AGMO: variants seen among roughly 807,000 people sequenced by gnomAD.
AGMO encodes the protein glyceryl-ether monooxygenase.
A neutral mutation model predicts 60.2 loss-of-function variants in AGMO; 75 were observed. The observed-to-expected ratio is 1.25, with a 90% CI of 1.03 to 1.51. The LOEUF (loss-of-function observed/expected upper bound fraction) is 1.51, where lower values mean the gene tolerates loss of function less well. Among genes scored for constraint, AGMO ranks in the 40% most tolerant of loss-of-function variants. The pLI is 0.00. For synonymous variants in AGMO, 261 were observed against 177.1 expected (o/e 1.47, Z -3.76); for missense variants, 763 against 525.5 (o/e 1.45, Z -4.42).
At chr7:15,155,682 G>A in the AGMO span, among the ~76,000 whole-genome samples, 4 of 151,980 alleles carry the variant, frequency 2.6e-5, no homozygotes, top group South Asian at 2.1e-4. Flanking sequence ...GAGATAGTGC[G>A]GTCATTTGGA....
chr7:15,510,477 C>A (rs903095918), intron 3 of AGMO, among the ~76,000 whole-genome samples: 3 of 151,474 alleles, frequency 2.0e-5, no homozygotes, highest in Admixed American at 2.0e-4. Flanking sequence ...TGCACCTGGC[C>A]CTAAGCATCT....
the AGMO span, among the ~76,000 whole-genome samples, chr7:15,145,533 G>C: frequency 6.6e-6 from 1 of 152,018 alleles, no homozygotes; most frequent in African/African-American, 2.4e-5. Flanking sequence ...AGATATTAAT[G>C]ATGACTATCT....
At chr7:15,314,774 T>C (rs905173300) in intron 12 of AGMO, among the ~76,000 whole-genome samples, 1 of 152,034 alleles carries the variant, frequency 6.6e-6, no homozygotes, top group African/African-American at 2.4e-5. Context: ...TTATGAATCT[T>C]AAGACAAGCA....
chr7:15,543,692 A>G (rs1198307811), intron 3 of AGMO, among the ~76,000 whole-genome samples: 2 of 152,090 alleles, frequency 1.3e-5, no homozygotes, highest in African/African-American at 4.8e-5. Context: ...TAATAACAAT[A>G]ATGGAAGGCA....
At chr7:15,170,986 TG>T in the AGMO span, among the ~76,000 whole-genome samples, 2 of 152,144 alleles carry the variant, frequency 1.3e-5, no homozygotes, top group Non-Finnish European at 2.9e-5. Context: ...GTTTTTTGTA[TG>T]TTTTTTTAGA....
At chr7:15,255,824 T>C (rs1274519034) in intron 12 of AGMO, among the ~76,000 whole-genome samples, 2 of 152,172 alleles carry the variant, frequency 1.3e-5, no homozygotes, top group African/African-American at 2.4e-5. Context: ...AGAAAAGGAA[T>C]AGGTGAATGT....
At chr7:15,138,761 G>A in the AGMO span, among the ~76,000 whole-genome samples, 1 of 152,118 alleles carries the variant, frequency 6.6e-6, no homozygotes, top group South Asian at 2.1e-4. Flanking sequence ...CTTTTTGAAT[G>A]AAGACAAAAT....
intron 10 of AGMO, among the ~76,000 whole-genome samples, chr7:15,376,748 TG>T (rs1446979136): frequency 1.3e-5 from 2 of 152,094 alleles, no homozygotes; most frequent in Non-Finnish European, 2.9e-5. Context: ...CATGTACTCA[TG>T]ATATCACCCC....
chr7:15,132,305 T>C, the AGMO span, among the ~76,000 whole-genome samples: 3 of 152,054 alleles, frequency 2.0e-5, no homozygotes, highest in African/African-American at 7.2e-5. Context: ...ACTCTCAGAG[T>C]TGGGATTCAG....
chr7:15,428,713 A>T (rs13245471), intron 4 of AGMO, among the ~76,000 whole-genome samples: 77,330 of 151,814 alleles, frequency 0.51, 19,814 homozygotes, highest in Middle Eastern at 0.64. Flanking sequence ...GAAGTCAATG[A>T]TGCTCTGATA....
At chr7:15,497,021 T>G (rs749567554) in intron 3 of AGMO, among the ~76,000 whole-genome samples, 1 of 152,130 alleles carries the variant, frequency 6.6e-6, no homozygotes, top group Non-Finnish European at 1.5e-5. Flanking sequence ...CTATAAATTT[T>G]GAGATGGATT....
chr7:15,399,269 C>G (rs1442479860), intron 5 of AGMO, among the ~76,000 whole-genome samples: 1 of 151,258 alleles, frequency 6.6e-6, no homozygotes, highest in African/African-American at 2.5e-5. Flanking sequence ...TATAAATAAG[C>G]ACCTATGATA....
chr7:15,365,726 T>A, intron 11 of AGMO, 107 bp from the exon 12 acceptor site: 1 of 750,178 alleles, frequency 1.3e-6, no homozygotes, highest in Non-Finnish European at 2.1e-6. Context: ...CCTAGTATTT[T>A]AATATATTTG....
At chr7:15,167,375 G>A in the AGMO span, among the ~76,000 whole-genome samples, 3 of 152,002 alleles carry the variant, frequency 2.0e-5, no homozygotes, top group Admixed American at 6.6e-5. Flanking sequence ...GACTTTATTT[G>A]TTCAAAAGGA....
intron 3 of AGMO, among the ~76,000 whole-genome samples, chr7:15,441,770 G>A (rs1365767082): frequency 3.3e-5 from 5 of 152,154 alleles, no homozygotes; most frequent in Admixed American, 6.5e-5. Context: ...GAAAGGAGAC[G>A]AACATAAGGA....
intron 10 of AGMO, among the ~76,000 whole-genome samples, chr7:15,381,836 C>T (rs1783703604): frequency 6.6e-6 from 1 of 152,134 alleles, no homozygotes; most frequent in African/African-American, 2.4e-5. Context: ...GAATACTATG[C>T]AGCCACCAAA....
intron 3 of AGMO, among the ~76,000 whole-genome samples, chr7:15,484,068 G>A (rs905831892): frequency 2.0e-5 from 3 of 151,984 alleles, no homozygotes; most frequent in African/African-American, 7.3e-5. Context: ...CTGGGTCTTA[G>A]GATATACATA....
chr7:15,370,967 G>A (rs887052067), intron 10 of AGMO, among the ~76,000 whole-genome samples: 2 of 151,948 alleles, frequency 1.3e-5, no homozygotes, highest in African/African-American at 2.4e-5. Context: ...ATTTCCCTAG[G>A]CCAATGTCCA....
At chr7:15,397,981 TG>T (rs1315801392) in intron 5 of AGMO, among the ~76,000 whole-genome samples, 1 of 152,112 alleles carries the variant, frequency 6.6e-6, no homozygotes. Context: ...AACAAGAAAG[TG>T]GGGGATCCTC....
Sources: gnomAD v4.1 joint callset for allele counts (sites outside exome capture counted in the v4.1 genomes callset) on GRCh38, gnomAD v4.1.1 for gene constraint, MANE v1.5 for transcripts, NCBI Gene and HGNC (gene_info 2026-07-23, HGNC 2026-07-21) for gene names.